Variants in SAMMSON observed in about 807,000 individuals in gnomAD.
SAMMSON encodes survival associated mitochondrial melanoma specific oncogenic non-coding RNA.
At chr3:70,397,119 G>A (rs745935732) in intron 2 of SAMMSON, among the ~76,000 whole-genome samples, 4 of 152,156 alleles carry the variant, frequency 2.6e-5, no homozygotes, top group Non-Finnish European at 5.9e-5. Context: ...GAAGGAAACA[G>A]CAATCACCCC....
intron 2 of SAMMSON, among the ~76,000 whole-genome samples, chr3:70,426,088 T>C (rs1701364344): frequency 6.6e-6 from 1 of 152,208 alleles, no homozygotes; most frequent in Non-Finnish European, 1.5e-5. Flanking sequence ...AACTGCTTCC[T>C]TAAACCTTCA....
intron 3 of SAMMSON, among the ~76,000 whole-genome samples, chr3:70,071,172 C>A (rs1474895428): frequency 2.0e-5 from 3 of 151,978 alleles, no homozygotes; most frequent in African/African-American, 4.8e-5. Flanking sequence ...AATTATGCAT[C>A]ACAAAGAGGT....
chr3:70,373,605 G>T (rs182757141), intron 9 of SAMMSON, among the ~76,000 whole-genome samples: 171 of 152,218 alleles, frequency 1.1e-3, no homozygotes, highest in African/African-American at 3.7e-3. Context: ...ACAGAAGTTA[G>T]ATTTCTCATT....
At chr3:70,290,350 G>T (rs958199205) in intron 6 of SAMMSON, among the ~76,000 whole-genome samples, 4 of 152,182 alleles carry the variant, frequency 2.6e-5, no homozygotes, top group Admixed American at 2.0e-4. Context: ...CTGTTGGGGG[G>T]TGCCTCCCAG....
chr3:70,001,587 A>G (rs564984935), intron 1 of SAMMSON, among the ~76,000 whole-genome samples: 34 of 152,152 alleles, frequency 2.2e-4, no homozygotes, highest in African/African-American at 8.0e-4. Flanking sequence ...AACAGTATGT[A>G]GAGGATGCAT....
At chr3:70,329,044 G>C (rs1419553405) in intron 7 of SAMMSON, among the ~76,000 whole-genome samples, 2 of 151,994 alleles carry the variant, frequency 1.3e-5, no homozygotes, top group African/African-American at 4.8e-5. Flanking sequence ...TGAAAGAAAA[G>C]AAATCAACCA....
At chr3:70,382,129 A>G (rs1008620857) in intron 9 of SAMMSON, among the ~76,000 whole-genome samples, 1 of 152,156 alleles carries the variant, frequency 6.6e-6, no homozygotes, top group African/African-American at 2.4e-5. Flanking sequence ...GATGTAGACA[A>G]TCTTCATTCT....
chr3:70,055,296 A>G (rs780983990), intron 3 of SAMMSON, among the ~76,000 whole-genome samples: 2 of 152,154 alleles, frequency 1.3e-5, no homozygotes, highest in Non-Finnish European at 2.9e-5. Flanking sequence ...TTAAAAAACC[A>G]TGGCCACAGG....
chr3:70,048,178 A>G (rs1366187405), intron 3 of SAMMSON, among the ~76,000 whole-genome samples: 3 of 152,108 alleles, frequency 2.0e-5, no homozygotes, highest in African/African-American at 7.2e-5. Flanking sequence ...TGTGAATACA[A>G]TGATGAGCAG....
In SAMMSON at chr3:70,272,546, A is replaced by G. The variant is rs76005625; in HGVS notation, n.675-18633A>G. 6.5e-3 allele frequency among the ~76,000 whole-genome samples: 988 copies of G among 152,344 alleles called. 11 individuals are homozygous for G. The highest frequency in any genetic ancestry group is 0.023 in the African/African-American group (937 of 41,582). The stretch of plus-strand genomic sequence containing the variant: ...TGTTTCCTGTTTTTAGGTAATATGA[A>G]TAAGGCTGCTATAAACATTCCCGTA... On this transcript the variant is annotated intron_variant and non_coding_transcript_variant, in intron 6 of 9. Coordinates refer to ENST00000642114, the Ensembl canonical transcript of SAMMSON.
At chr3:70,164,462 G>T (rs531436162) in intron 4 of SAMMSON, among the ~76,000 whole-genome samples, 21 of 152,124 alleles carry the variant, frequency 1.4e-4, no homozygotes, top group Admixed American at 5.9e-4. Context: ...ATTTATTGAG[G>T]TGAATAGTAC....
intron 6 of SAMMSON, among the ~76,000 whole-genome samples, chr3:70,273,148 A>G (rs1407691185): frequency 1.3e-5 from 2 of 152,188 alleles, no homozygotes; most frequent in Non-Finnish European, 2.9e-5. Context: ...GGACTGACAA[A>G]TCTAAGATTC....
At chr3:70,117,494 G>T (rs531641616) in intron 4 of SAMMSON, among the ~76,000 whole-genome samples, 114 of 150,720 alleles carry the variant, frequency 7.6e-4, no homozygotes, top group African/African-American at 2.7e-3. Flanking sequence ...TTTTAAAAAG[G>T]AGAGAAATGA....
At chr3:70,285,675 C>T (rs1303850778) in intron 6 of SAMMSON, among the ~76,000 whole-genome samples, 4 of 150,368 alleles carry the variant, frequency 2.7e-5, no homozygotes, top group African/African-American at 7.3e-5. Flanking sequence ...GTCCCACCAA[C>T]AGTGTAAAAG....
intron 6 of SAMMSON, among the ~76,000 whole-genome samples, chr3:70,266,138 G>C (rs1701915341): frequency 6.6e-6 from 1 of 152,090 alleles, no homozygotes; most frequent in Admixed American, 6.5e-5. Flanking sequence ...TTTTTCTTCA[G>C]TTTAGTAGCC....
chr3:70,406,074 AT>A (rs1701176124), intron 2 of SAMMSON, among the ~76,000 whole-genome samples: 1 of 152,206 alleles, frequency 6.6e-6, no homozygotes, highest in Non-Finnish European at 1.5e-5. Flanking sequence ...CACAAAAAAA[AT>A]GTAAACTAAT....
chr3:70,268,974 T>A (rs1701950174), intron 6 of SAMMSON, among the ~76,000 whole-genome samples: 1 of 152,130 alleles, frequency 6.6e-6, no homozygotes, highest in Non-Finnish European at 1.5e-5. Context: ...AGGAAAAATC[T>A]TAACCTTCTT....
At chr3:70,425,456 G>A (rs1327023724) in intron 2 of SAMMSON, among the ~76,000 whole-genome samples, 7 of 151,928 alleles carry the variant, frequency 4.6e-5, no homozygotes, top group African/African-American at 7.2e-5. Flanking sequence ...CTGTCGCCCA[G>A]GCTGGAGTGC....
chr3:70,291,814 A>G lies in SAMMSON; in HGVS notation n.739+571A>G, dbSNP rs1232794154. On this transcript the variant is annotated intron_variant and non_coding_transcript_variant, in intron 7 of 9. Transcript: ENST00000642114. The stretch of plus-strand genomic sequence containing the variant: ...ATTTTGAATAATACATTGTCTTTTT[A>G]ATGCTCTTCTTTCAAGATGTGCTGT... 2.0e-5 allele frequency: 3 copies of G among 152,178 alleles called. No homozygotes were observed. In the East Asian group the frequency reaches 5.8e-4, roughly 29 times the overall value. 9.4% of individuals were successfully genotyped at this position (152,178 alleles called of 1,614,324 possible). A position where few individuals can be genotyped will look rare whatever the true frequency, so the allele number is the denominator to read the frequency against.
Sources: allele counts gnomAD v4.1 joint callset (sites outside exome capture counted in the v4.1 genomes callset), GRCh38; gene constraint gnomAD v4.1.1; transcripts MANE v1.5; gene names NCBI Gene and HGNC (gene_info 2026-07-23, HGNC 2026-07-21).